The following RBFOX1 variants were observed in gnomAD, a reference collection of about 807,000 sequenced individuals.
The protein encoded by RBFOX1 is RNA binding fox-1 homolog 1.
A neutral mutation model predicts 57.7 loss-of-function variants in RBFOX1; 8 were observed. The observed-to-expected ratio is 0.14, with a 90% CI of 0.08 to 0.25. The LOEUF (loss-of-function observed/expected upper bound fraction) is 0.25. RBFOX1 is among the 10% of genes least tolerant of loss of function. The pLI, the probability that RBFOX1 is intolerant of heterozygous loss-of-function variation, is 1.00. For missense variants in RBFOX1, 611 were observed against 548.5 expected (o/e 1.11, Z -1.14); for synonymous variants, 326 against 222.4 (o/e 1.47, Z -4.15).
intron 4 of RBFOX1, among the ~76,000 whole-genome samples, chr16:7,449,896 G>A (rs961596647): frequency 2.6e-5 from 4 of 152,222 alleles, no homozygotes; most frequent in East Asian, 1.9e-4. Flanking sequence ...CATTTGTGAA[G>A]GGACACTATG....
intron 3 of RBFOX1, among the ~76,000 whole-genome samples, chr16:5,678,302 G>A (rs2050225528): frequency 6.6e-6 from 1 of 152,176 alleles, no homozygotes; most frequent in Non-Finnish European, 1.5e-5. Flanking sequence ...GTTCTGTGGT[G>A]TCATCTGGGT....
At chr16:6,671,265 C>G (rs11077061) in intron 3 of RBFOX1, among the ~76,000 whole-genome samples, 48,464 of 152,032 alleles carry the variant, frequency 0.32, 8,113 homozygotes, top group African/African-American at 0.42. Context: ...ATGCTCAGCA[C>G]AGAACATGAT....
chr16:7,490,789 A>G (rs1217365363), intron 4 of RBFOX1, among the ~76,000 whole-genome samples: 1 of 152,152 alleles, frequency 6.6e-6, no homozygotes, highest in Non-Finnish European at 1.5e-5. Context: ...CCATGTCTCA[A>G]AAAGACCCAC....
intron 1 of RBFOX1, among the ~76,000 whole-genome samples, chr16:5,437,714 A>C (rs549472456): frequency 6.6e-5 from 10 of 152,256 alleles, no homozygotes; most frequent in Non-Finnish European, 1.3e-4. Flanking sequence ...AAAAAATATC[A>C]GAAGAAACTG....
chr16:5,525,786 C>T (rs2044221815), intron 2 of RBFOX1, among the ~76,000 whole-genome samples: 1 of 152,124 alleles, frequency 6.6e-6, no homozygotes, highest in Admixed American at 6.5e-5. Context: ...GGGTGAGCCA[C>T]TGTGTCCAGC....
chr16:5,770,189 G>T (rs977155030), intron 3 of RBFOX1, among the ~76,000 whole-genome samples: 1 of 151,800 alleles, frequency 6.6e-6, no homozygotes, highest in African/African-American at 2.4e-5. Context: ...CCTGAGGTAG[G>T]ACATCAACAG....
intron 3 of RBFOX1, among the ~76,000 whole-genome samples, chr16:6,944,750 T>A (rs1364249422): frequency 6.6e-6 from 1 of 152,220 alleles, no homozygotes; most frequent in Non-Finnish European, 1.5e-5. Flanking sequence ...GATAAAGTCC[T>A]GTTGCCATAG....
intron 3 of RBFOX1, among the ~76,000 whole-genome samples, chr16:6,899,035 T>G (rs1481882658): frequency 6.6e-6 from 1 of 151,804 alleles, no homozygotes; most frequent in East Asian, 1.9e-4. Context: ...GTGTGTATAA[T>G]GTGTGTATGC....
Position 5,701,626 on chromosome 16 carries a change from G to A in RBFOX1, c.318+102665G>A, listed in dbSNP as rs188201792. ...TTTTGTATTTTTTTGTAGGGACAGA[G>A]TTTCGTCATGTTGCCCAGGCTGGTC... On this transcript the variant is annotated intron_variant, in intron 3 of 19. Coordinates refer to the RBFOX1 transcript ENST00000641259. Among the ~76,000 whole-genome samples the A allele has an allele frequency of 2.5e-3, 377 of 152,278 alleles. 1 individual carries two copies. The highest frequency in any genetic ancestry group is 5.0e-3 in the Admixed American group (77 of 15,288).
chr16:6,556,097 A>G (rs563002556), intron 2 of RBFOX1, among the ~76,000 whole-genome samples: 10 of 152,260 alleles, frequency 6.6e-5, no homozygotes, highest in Admixed American at 2.6e-4. Context: ...TAAATCTTCT[A>G]TTCCTCCAGA....
chr16:5,473,424 T>C (rs564995757), intron 2 of RBFOX1, among the ~76,000 whole-genome samples: 1 of 152,308 alleles, frequency 6.6e-6, no homozygotes, highest in Admixed American at 6.5e-5. Context: ...TTTTCTTTTT[T>C]GCAGGGCTAT....
intron 3 of RBFOX1, among the ~76,000 whole-genome samples, chr16:6,953,675 C>T (rs760950572): frequency 6.6e-6 from 1 of 152,186 alleles, no homozygotes; most frequent in Admixed American, 6.5e-5. Context: ...GCATGAGCCA[C>T]AGTGCCCAGC....
chr16:6,613,291 A>G (rs776922451), intron 2 of RBFOX1, among the ~76,000 whole-genome samples: 47 of 152,054 alleles, frequency 3.1e-4, no homozygotes, highest in Admixed American at 2.2e-3. Flanking sequence ...GTTTGCAATA[A>G]GGGTAAACTT....
intron 2 of RBFOX1, among the ~76,000 whole-genome samples, chr16:6,465,515 G>GT (rs2095027230): frequency 6.6e-6 from 1 of 151,822 alleles, no homozygotes; most frequent in Non-Finnish European, 1.5e-5. Context: ...TAAAATCTAC[G>GT]TAAGAAGTAA....
At chr16:6,897,844 T>C (rs1163673057) in intron 3 of RBFOX1, among the ~76,000 whole-genome samples, 1 of 152,106 alleles carries the variant, frequency 6.6e-6, no homozygotes, top group Non-Finnish European at 1.5e-5. Flanking sequence ...AGCCCTGCAG[T>C]TTCTGAGCTT....
intron 6 of RBFOX1, among the ~76,000 whole-genome samples, chr16:7,584,863 A>G (rs1602512718): frequency 6.6e-6 from 1 of 152,164 alleles, no homozygotes; most frequent in South Asian, 2.1e-4. Flanking sequence ...GGCTTTGAGA[A>G]CCGTCAACCT....
intron 4 of RBFOX1, among the ~76,000 whole-genome samples, chr16:5,906,844 C>G (rs761338389): frequency 2.8e-5 from 4 of 142,460 alleles, no homozygotes; most frequent in Non-Finnish European, 6.0e-5. Flanking sequence ...AAGCAATTCT[C>G]TTGCCTCAAC....
At chr16:6,487,398 C>G (rs563237799) in intron 2 of RBFOX1, among the ~76,000 whole-genome samples, 1 of 151,962 alleles carries the variant, frequency 6.6e-6, no homozygotes, top group South Asian at 2.1e-4. Context: ...GTCTCCATTT[C>G]TTGTTTGCTT....
chr16:5,282,007 C>T (rs2063283312), intron 1 of RBFOX1, among the ~76,000 whole-genome samples: 1 of 152,162 alleles, frequency 6.6e-6, no homozygotes, highest in East Asian at 1.9e-4. Flanking sequence ...TGGCTGTGTC[C>T]CCACTCAGAT....
Sources: allele counts gnomAD v4.1 joint callset (sites outside exome capture counted in the v4.1 genomes callset), GRCh38; gene constraint gnomAD v4.1.1; transcripts MANE v1.5; gene names NCBI Gene and HGNC (gene_info 2026-07-23, HGNC 2026-07-21).